WARS2: variants seen among roughly 807,000 people sequenced by gnomAD.
The protein encoded by WARS2 is tryptophanyl tRNA synthetase 2, mitochondrial.
WARS2 carries 28 observed loss-of-function variants against 36.5 expected under a neutral mutation model. That is an observed-to-expected ratio of 0.77 (90% CI 0.57 to 1.05). WARS2 has a LOEUF of 1.05. Ranked by LOEUF, WARS2 falls within the 50% of genes least tolerant of loss-of-function variation. The pLI, the probability that WARS2 is intolerant of heterozygous loss-of-function variation, is 0.00. For synonymous variants in WARS2, 174 were observed against 178.4 expected, an observed-to-expected ratio of 0.98 and a Z score of 0.20; for missense variants, 435 against 456.8, an observed-to-expected ratio of 0.95 and a Z score of 0.44.
At chr1:119,094,504 G>T (rs1427467722) in intron 1 of WARS2, among the ~76,000 whole-genome samples, 2 of 151,432 alleles carry the variant, frequency 1.3e-5, no homozygotes, top group East Asian at 3.9e-4. Flanking sequence ...AAAAAAACAA[G>T]TAAATATGTC....
intron 2 of WARS2, among the ~76,000 whole-genome samples, chr1:119,057,991 T>A (rs1039089513): frequency 6.6e-6 from 1 of 152,150 alleles, no homozygotes; most frequent in Non-Finnish European, 1.5e-5. Context: ...TAGTTTCTCT[T>A]ATATTAAGTG....
chr1:119,111,355 T>C (rs1654622581), intron 1 of WARS2, among the ~76,000 whole-genome samples: 1 of 152,174 alleles, frequency 6.6e-6, no homozygotes, highest in African/African-American at 2.4e-5. Context: ...AACTGTGAAA[T>C]TCGCAAGTGC....
intron 1 of WARS2, among the ~76,000 whole-genome samples, chr1:119,087,540 G>A (rs1652762269): frequency 6.6e-6 from 1 of 152,154 alleles, no homozygotes; most frequent in Admixed American, 6.5e-5. Flanking sequence ...TTAACAGCAT[G>A]ATTTCAGCTG....
intron 4 of WARS2, among the ~76,000 whole-genome samples, chr1:119,035,188 G>C (rs1375765103): frequency 1.3e-5 from 2 of 152,164 alleles, no homozygotes; most frequent in Non-Finnish European, 2.9e-5. Flanking sequence ...GAGAAGTCTT[G>C]ATGAGGAAAA....
chr1:119,108,178 T>C (rs971552563), intron 1 of WARS2, among the ~76,000 whole-genome samples: 8 of 152,036 alleles, frequency 5.3e-5, no homozygotes, highest in Admixed American at 2.0e-4. Context: ...TTTATTGGTA[T>C]AGGGTAATGC....
chr1:119,048,797 G>A (rs968836457), intron 2 of WARS2, among the ~76,000 whole-genome samples: 3 of 140,542 alleles, frequency 2.1e-5, no homozygotes, highest in Non-Finnish European at 3.1e-5. Flanking sequence ...CAGGCGCGGT[G>A]GCTCACGCCT....
chr1:119,041,670 A>C (rs1454703997), intron 4 of WARS2, among the ~76,000 whole-genome samples: 1 of 152,264 alleles, frequency 6.6e-6, no homozygotes, highest in Non-Finnish European at 1.5e-5. Context: ...TCTAGCACAG[A>C]CATAGAAGAT....
At chr1:119,079,220 T>A (rs190180882) in intron 1 of WARS2, among the ~76,000 whole-genome samples, 1 of 152,308 alleles carries the variant, frequency 6.6e-6, no homozygotes, top group African/African-American at 2.4e-5. Flanking sequence ...GGGTCTGGTC[T>A]TTCAATTCTG....
chr1:119,104,975 A>G (rs1414738923), intron 1 of WARS2, among the ~76,000 whole-genome samples: 1 of 152,186 alleles, frequency 6.6e-6, no homozygotes, highest in Non-Finnish European at 1.5e-5. Flanking sequence ...AATCAGATTT[A>G]TATTTTACAA....
chr1:119,118,724 G>A (rs1446302282), intron 1 of WARS2, among the ~76,000 whole-genome samples: 2 of 152,178 alleles, frequency 1.3e-5, no homozygotes, highest in Non-Finnish European at 2.9e-5. Context: ...CAGATTAACA[G>A]CAGATTTCTC....
At chr1:119,049,212 G>A (rs948049947) in intron 2 of WARS2, among the ~76,000 whole-genome samples, 1 of 152,322 alleles carries the variant, frequency 6.6e-6, no homozygotes, top group South Asian at 2.1e-4. Flanking sequence ...GGCCACTGAC[G>A]GGCGGAACGA....
intron 1 of WARS2, chr1:119,126,571 C>G: frequency 1.6e-6 from 1 of 637,096 alleles, no homozygotes. Context: ...GGTTCATATC[C>G]ATCAGTTCGT....
intron 1 of WARS2, among the ~76,000 whole-genome samples, chr1:119,112,491 A>G (rs1255063179): frequency 6.6e-6 from 1 of 152,206 alleles, no homozygotes; most frequent in African/African-American, 2.4e-5. Flanking sequence ...CATCAAAGTC[A>G]GCAGAGAGTA....
At chr1:119,046,817 A>G (rs1380293623) in intron 2 of WARS2, among the ~76,000 whole-genome samples, 2 of 150,810 alleles carry the variant, frequency 1.3e-5, no homozygotes, top group Non-Finnish European at 2.9e-5. Flanking sequence ...TAAAAAGCAG[A>G]GACTGCTGCC....
chr1:119,085,614 T>C lies in WARS2; in HGVS notation c.91-9007A>G, dbSNP rs1652590238. The stretch of plus-strand genomic sequence containing the variant: ...TTCTGAGTCCTTAGGAACGCAATAG[T>C]TAGACACATGATCCACTCGGATAGT... On this transcript the variant is annotated intron_variant, in intron 1 of 5. Transcript: ENST00000235521. 1.9e-5 allele frequency: 28 copies of C among 1,481,272 alleles called. No individual in the cohort carries two copies. The Admixed American group carries it at 4.3e-4, about 23-fold the overall frequency. The allele number at this position is 1,481,272 out of a possible 1,614,324, so 91.8% of individuals were successfully genotyped here. A position where few individuals can be genotyped will look rare whatever the true frequency, so the allele number is the denominator to read the frequency against.
intron 1 of WARS2, chr1:119,139,555 A>T (rs1251115485): frequency 1.3e-5 from 2 of 152,274 alleles, no homozygotes; most frequent in African/African-American, 2.4e-5. Context: ...GTGACTTGTC[A>T]CACAGCTGTC....
chr1:119,039,154 C>T (rs1288478814), intron 4 of WARS2, among the ~76,000 whole-genome samples: 1 of 152,150 alleles, frequency 6.6e-6, no homozygotes, highest in African/African-American at 2.4e-5. Flanking sequence ...TTTCATAGCC[C>T]TATTGTGAGA....
intron 1 of WARS2, among the ~76,000 whole-genome samples, chr1:119,118,581 C>T (rs115935882): frequency 0.018 from 2,731 of 149,602 alleles, 38 homozygotes; most frequent in Admixed American, 0.028. Context: ...ACTCAAAGAA[C>T]ATCTGGGAAA....
At chr1:119,081,013 C>T (rs1473714183) in intron 1 of WARS2, among the ~76,000 whole-genome samples, 3 of 152,316 alleles carry the variant, frequency 2.0e-5, no homozygotes, top group Middle Eastern at 3.4e-3. Context: ...GTAAATGCCA[C>T]TTCCAGCCTA....
Sources: gnomAD v4.1 joint callset for allele counts (sites outside exome capture counted in the v4.1 genomes callset) on GRCh38, gnomAD v4.1.1 for gene constraint, MANE v1.5 for transcripts, NCBI Gene and HGNC (gene_info 2026-07-23, HGNC 2026-07-21) for gene names.